Variants in SHLD2 observed in about 807,000 individuals in gnomAD.
SHLD2 encodes the protein shieldin complex subunit 2.
In SHLD2, 30 loss-of-function variants were observed where a neutral mutation model predicts 73.2. The observed-to-expected ratio is 0.41, with a 90% confidence interval of 0.31 to 0.56. The LOEUF (loss-of-function observed/expected upper bound fraction) is 0.56. SHLD2 is among the 20% of genes least tolerant of loss of function. SHLD2 has a pLI of 0.28. For synonymous variants in SHLD2, 285 were observed against 370.1 expected (o/e 0.77, Z 2.64); for missense variants, 745 against 1,055.9 (o/e 0.71, Z 4.08).
At chr10:87,173,528 G>A (rs1370254029) in intron 6 of SHLD2, among the ~76,000 whole-genome samples, 7 of 152,108 alleles carry the variant, frequency 4.6e-5, no homozygotes. Flanking sequence ...AGCTAACAAT[G>A]TGAGAAAAAA....
At chr10:87,174,813 T>A (rs1239567044) in intron 6 of SHLD2, among the ~76,000 whole-genome samples, 2 of 152,176 alleles carry the variant, frequency 1.3e-5, no homozygotes, top group Admixed American at 6.5e-5. Flanking sequence ...TGTGTTATTG[T>A]GGCTTTAAGT....
intron 2 of SHLD2, among the ~76,000 whole-genome samples, chr10:87,116,989 A>G (rs959471414): frequency 6.6e-6 from 1 of 152,202 alleles, no homozygotes; most frequent in Non-Finnish European, 1.5e-5. Context: ...TCAAGACTGG[A>G]TAGTGGAATT....
At chr10:87,164,429 T>A (rs1847054742) in intron 4 of SHLD2, among the ~76,000 whole-genome samples, 1 of 151,968 alleles carries the variant, frequency 6.6e-6, no homozygotes, top group Non-Finnish European at 1.5e-5. Context: ...ATTTTTGTAT[T>A]TCTTGTAGAG....
intron 1 of SHLD2, among the ~76,000 whole-genome samples, chr10:87,096,419 T>A (rs1205704355): frequency 6.6e-6 from 1 of 152,084 alleles, no homozygotes; most frequent in African/African-American, 2.4e-5. Flanking sequence ...TAGGAAATGC[T>A]AAAGTTCACA....
chr10:87,100,513 T>C (rs1329175082), intron 2 of SHLD2, among the ~76,000 whole-genome samples: 5 of 151,580 alleles, frequency 3.3e-5, no homozygotes, highest in Non-Finnish European at 5.9e-5. Flanking sequence ...AGTCTCACTC[T>C]GTTGCCCAGG....
chr10:87,148,604 G>A lies in SHLD2; in HGVS notation c.-5-2746G>A, dbSNP rs546835064. 1.1e-3 allele frequency among the ~76,000 whole-genome samples: 161 copies of A among 151,684 alleles called. 1 individual carries two copies. Among genetic ancestry groups the A allele is most frequent in the African/African-American group, 3.7e-3 (155 of 41,384 alleles). On this transcript the variant is annotated intron_variant, in intron 2 of 9. Transcript: ENST00000298786. ...TATTTTTAAAGATTTGTAGCTGAGCGTGACAGTATGTATCTGTAGTCCCAG... is the reference window on the plus strand; with the variant it reads ...TATTTTTAAAGATTTGTAGCTGAGCATGACAGTATGTATCTGTAGTCCCAG...
intron 2 of SHLD2, among the ~76,000 whole-genome samples, chr10:87,102,664 G>A (rs1230966359): frequency 2.0e-5 from 3 of 152,104 alleles, no homozygotes; most frequent in African/African-American, 4.8e-5. Context: ...AGCTGAGATC[G>A]TGCCACTGAA....
In SHLD2 at chr10:87,189,956, T is replaced by C. The variant is rs1324214809; in HGVS notation, c.2516-528T>C. Reference sequence around the variant, plus strand: ...ACTGCTGTCGGTCTGAACGGTGTGTTATCTGGGCCTGTTTCTTGTGTCAGG... The same window carrying C: ...ACTGCTGTCGGTCTGAACGGTGTGTCATCTGGGCCTGTTTCTTGTGTCAGG... On this transcript the variant is annotated intron_variant, in intron 9 of 9. Coordinates refer to ENST00000298786, the MANE Select transcript of SHLD2 (RefSeq NM_001330112.2). Among the ~76,000 whole-genome samples, 18 of 152,170 alleles carry C rather than the reference T, an allele frequency of 1.2e-4. 1 individual carries two copies. Among genetic ancestry groups the C allele is most frequent in the Admixed American group, 6.5e-5 (1 of 15,282 alleles).
At chr10:87,127,743 A>G (rs988467607) in intron 2 of SHLD2, among the ~76,000 whole-genome samples, 11 of 151,490 alleles carry the variant, frequency 7.3e-5, no homozygotes, top group Middle Eastern at 3.4e-3. Context: ...CAGCGTTGCT[A>G]TAAGTGTTTT....
At chr10:87,175,118 A>G (rs1342870796) in intron 6 of SHLD2, among the ~76,000 whole-genome samples, 2 of 6,248 alleles carry the variant, frequency 3.2e-4, no homozygotes, top group African/African-American at 3.2e-3. Context: ...CTCCATCTCA[A>G]AAAAAAAAAA....
At chr10:87,104,972 T>C (rs1168352423) in intron 2 of SHLD2, among the ~76,000 whole-genome samples, 1 of 152,230 alleles carries the variant, frequency 6.6e-6, no homozygotes, top group Non-Finnish European at 1.5e-5. Context: ...GGTAGGATTC[T>C]GATCTCACCT....
intron 2 of SHLD2, among the ~76,000 whole-genome samples, chr10:87,113,238 C>T (rs552311364): frequency 3.9e-5 from 6 of 152,172 alleles, no homozygotes; most frequent in Admixed American, 2.0e-4. Context: ...GCAGGAGAAT[C>T]GCTTGAACCT....
At chr10:87,183,681 TGCTGC>T (rs1329001057) in intron 8 of SHLD2, among the ~76,000 whole-genome samples, 5 of 152,192 alleles carry the variant, frequency 3.3e-5, no homozygotes, top group African/African-American at 1.2e-4. Context: ...ACTCCTACCA[TGCTGC>T]AGAAGCTGCT....
intron 6 of SHLD2, 83 bp from the exon 7 acceptor site, chr10:87,175,806 A>C: frequency 3.7e-6 from 5 of 1,358,362 alleles, no homozygotes; most frequent in Non-Finnish European, 4.1e-6. Flanking sequence ...CAACTGACTT[A>C]ATCAGATCAA....
intron 2 of SHLD2, among the ~76,000 whole-genome samples, chr10:87,107,296 C>T (rs1842662519): frequency 6.6e-6 from 1 of 152,072 alleles, no homozygotes; most frequent in Non-Finnish European, 1.5e-5. Flanking sequence ...CCCTTGTAAT[C>T]CCAGCTACTG....
chr10:87,095,789 G>T (rs1841816828), intron 1 of SHLD2, among the ~76,000 whole-genome samples: 1 of 152,216 alleles, frequency 6.6e-6, no homozygotes. Context: ...GCTCCGGCCC[G>T]GCGCGGTGGC....
At chr10:87,107,087 T>G (rs1455592008) in intron 2 of SHLD2, among the ~76,000 whole-genome samples, 1 of 60,102 alleles carries the variant, frequency 1.7e-5, no homozygotes. Flanking sequence ...TCTAAAGCAA[T>G]AATTGGCAAA....
At chr10:87,129,533 C>A (rs1412154070) in intron 2 of SHLD2, among the ~76,000 whole-genome samples, 1 of 152,146 alleles carries the variant, frequency 6.6e-6, no homozygotes, top group African/African-American at 2.4e-5. Context: ...ACTGGACCTC[C>A]AGTTTTTTCT....
intron 8 of SHLD2, among the ~76,000 whole-genome samples, chr10:87,183,819 G>A (rs1471796050): frequency 1.3e-5 from 2 of 152,128 alleles, no homozygotes; most frequent in Non-Finnish European, 2.9e-5. Context: ...CCTCCTCCTT[G>A]CTTTCTAACC....
Sources: allele counts gnomAD v4.1 joint callset (sites outside exome capture counted in the v4.1 genomes callset), GRCh38; gene constraint gnomAD v4.1.1; transcripts MANE v1.5; gene names NCBI Gene and HGNC (gene_info 2026-07-23, HGNC 2026-07-21).